Variants in GSE1 observed in about 807,000 individuals in gnomAD.
GSE1 encodes genetic suppressor element 1.
In GSE1, 32 loss-of-function variants were observed where a neutral mutation model predicts 112.6. The observed-to-expected ratio is 0.28, with a 90% CI of 0.21 to 0.38. GSE1 has a LOEUF of 0.38. GSE1 is among the 10% of genes least tolerant of loss of function. The pLI is 1.00. For missense variants in GSE1, 2,348 were observed against 1,699.2 expected, an observed-to-expected ratio of 1.38 and a Z score of -6.71; for synonymous variants, 1,115 against 735.6, an observed-to-expected ratio of 1.52 and a Z score of -8.35.
intron 1 of GSE1, among the ~76,000 whole-genome samples, chr16:85,182,761 C>G (rs55634088): frequency 0.19 from 28,836 of 151,980 alleles, 3,427 homozygotes; most frequent in African/African-American, 0.33. Flanking sequence ...GAGCCGCCTG[C>G]GTGGGAGGGA....
At chr16:85,314,851 G>C (rs11149736) in intron 1 of GSE1, among the ~76,000 whole-genome samples, 96,475 of 152,096 alleles carry the variant, frequency 0.63, 32,389 homozygotes, top group Middle Eastern at 0.82. Context: ...AGAGGAGACA[G>C]AACCATCCTG....
chr16:85,356,512 T>G (rs935804456), intron 1 of GSE1, among the ~76,000 whole-genome samples: 1 of 152,202 alleles, frequency 6.6e-6, no homozygotes, highest in Non-Finnish European at 1.5e-5. Flanking sequence ...TCTGTGTTAG[T>G]AAGCCACAGG....
intron 1 of GSE1, among the ~76,000 whole-genome samples, chr16:85,354,571 C>T (rs1463866258): frequency 6.6e-6 from 1 of 152,250 alleles, no homozygotes; most frequent in African/African-American, 2.4e-5. Context: ...CTCAGCTTCT[C>T]TCTCCAGCAG....
chr16:85,524,777 G>A (rs771485582), intron 2 of GSE1, among the ~76,000 whole-genome samples: 16 of 152,138 alleles, frequency 1.1e-4, no homozygotes, highest in South Asian at 2.1e-4. Flanking sequence ...ATCACATCCC[G>A]TATGGGTGGG....
chr16:85,274,243 C>T (rs899870802), intron 1 of GSE1, among the ~76,000 whole-genome samples: 1 of 151,644 alleles, frequency 6.6e-6, no homozygotes, highest in Non-Finnish European at 1.5e-5. Context: ...ATCAGCTGGG[C>T]GTGGCAGCAG....
intron 2 of GSE1, among the ~76,000 whole-genome samples, chr16:85,531,485 C>T (rs549464965): frequency 7.2e-5 from 11 of 152,102 alleles, no homozygotes; most frequent in Non-Finnish European, 1.5e-4. Flanking sequence ...GGAGCCCTCT[C>T]GGAGGGCCTC....
chr16:85,216,918 CT>C (rs2075314582), intron 1 of GSE1, among the ~76,000 whole-genome samples: 1 of 152,374 alleles, frequency 6.6e-6, no homozygotes, highest in East Asian at 1.9e-4. Flanking sequence ...GCAGCACCCC[CT>C]CTTTGGGTTC....
intron 2 of GSE1, among the ~76,000 whole-genome samples, chr16:85,495,591 G>T (rs896987621): frequency 2.6e-5 from 4 of 151,810 alleles, no homozygotes; most frequent in African/African-American, 4.8e-5. Flanking sequence ...CTACCTCCAG[G>T]GTTCAAGCAA....
chr16:85,571,491 G>C (rs200790545), intron 1 of GSE1, among the ~76,000 whole-genome samples: 6 of 152,232 alleles, frequency 3.9e-5, no homozygotes, highest in African/African-American at 1.4e-4. Flanking sequence ...CCACCGGACC[G>C]TGCCAGTCCT....
In GSE1 at chr16:85,419,611, A is replaced by AAAAAAC. The variant is rs2048782275; in HGVS notation, c.2464+61973_2464+61974insCAAAAA. ...ATAGAGCAAGGCTGTGTCTCAAAAA[A>AAAAAAC]AAAAAACAAAAAACAAAAAACAAAA... On this transcript the variant is annotated intron_variant, in intron 2 of 2. Coordinates refer to the GSE1 transcript ENST00000637419. This position sits in a 1 kb window ranked among gnomAD's most constrained non-coding sequence, Gnocchi z 6.5. 6.6e-6 allele frequency among the ~76,000 whole-genome samples: 1 copy of AAAAAAC among 151,930 alleles called. No individual in the cohort carries two copies.
chr16:85,610,630 T>C (rs538562694), upstream of GSE1, among the ~76,000 whole-genome samples: 22 of 152,340 alleles, frequency 1.4e-4, no homozygotes, highest in African/African-American at 4.6e-4. Flanking sequence ...CCAGCCCGCC[T>C]GGTGGCCGCC....
chr16:85,496,877 G>T (rs1181933455), intron 2 of GSE1, among the ~76,000 whole-genome samples: 2 of 150,338 alleles, frequency 1.3e-5, no homozygotes, highest in Admixed American at 6.6e-5. Context: ...GTTTCCACGT[G>T]CCCCCTTTTG....
intron 1 of GSE1, among the ~76,000 whole-genome samples, chr16:85,256,235 G>C (rs1250429227): frequency 6.6e-6 from 1 of 152,048 alleles, no homozygotes; most frequent in Non-Finnish European, 1.5e-5. Flanking sequence ...GCTTCAAGTG[G>C]GGAAAACAAC....
At chr16:85,621,052 G>T (rs146198635) in intron 1 of GSE1, among the ~76,000 whole-genome samples, 47 of 152,026 alleles carry the variant, frequency 3.1e-4, no homozygotes, top group African/African-American at 9.2e-4. Flanking sequence ...CTGTGTGGGG[G>T]AACCCATTTA....
At chr16:85,477,638 G>A (rs6564122) in intron 2 of GSE1, among the ~76,000 whole-genome samples, 61,582 of 148,340 alleles carry the variant, frequency 0.42, 13,970 homozygotes, top group Non-Finnish European at 0.49. Context: ...TCGGCTCACC[G>A]CAACCTCCAC....
At chr16:85,403,356 G>A (rs933319940) in intron 2 of GSE1, among the ~76,000 whole-genome samples, 2 of 152,208 alleles carry the variant, frequency 1.3e-5, no homozygotes, top group African/African-American at 4.8e-5. Context: ...GGGCCACCCA[G>A]GGGCATGACC....
intron 2 of GSE1, among the ~76,000 whole-genome samples, chr16:85,475,038 C>T (rs2050409593): frequency 6.6e-6 from 1 of 152,120 alleles, no homozygotes. Flanking sequence ...TCTGTGCTAC[C>T]ACTAATGTGG....
chr16:85,564,324 T>G (rs1015820956), intron 1 of GSE1, among the ~76,000 whole-genome samples: 1 of 152,004 alleles, frequency 6.6e-6, no homozygotes, highest in African/African-American at 2.4e-5. Context: ...CTCAGCACAT[T>G]AGGTTCATGT....
At chr16:85,637,489 G>A (rs1280286449) in intron 2 of GSE1, among the ~76,000 whole-genome samples, 1 of 151,014 alleles carries the variant, frequency 6.6e-6, no homozygotes, top group African/African-American at 2.4e-5. Flanking sequence ...CAGTGGCTAT[G>A]TATCGAGTCC....
Sources: allele counts gnomAD v4.1 joint callset (sites outside exome capture counted in the v4.1 genomes callset), GRCh38; gene constraint gnomAD v4.1.1; non-coding constraint Gnocchi (gnomAD v3.1); transcripts MANE v1.5; gene names NCBI Gene and HGNC (gene_info 2026-07-23, HGNC 2026-07-21).